Variants in PRDX4 observed in about 807,000 individuals in gnomAD.
PRDX4 encodes peroxiredoxin 4.
Under a neutral mutation model 20.5 loss-of-function variants are expected in PRDX4, and 12 were observed. The ratio of observed to expected loss-of-function variants is 0.58; its 90% CI spans 0.37 to 0.95. PRDX4 has a LOEUF of 0.95. Among genes scored for constraint, PRDX4 ranks in the 40% least tolerant of loss-of-function variants. The pLI, the probability that PRDX4 is intolerant of heterozygous loss-of-function variation, is 0.01. For synonymous variants in PRDX4, 99 were observed against 87.5 expected (o/e 1.13, Z -0.73); for missense variants, 180 against 207.3 (o/e 0.87, Z 0.81).
intron 4 of PRDX4, among the ~76,000 whole-genome samples, chrX:23,681,045 C>T (rs911109464): frequency 2.7e-5 from 3 of 111,241 alleles, no homozygotes; most frequent in Non-Finnish European, 5.7e-5. Flanking sequence ...CTGGCTAACA[C>T]GGTGAAACCC....
At chrX:23,681,492 C>T (rs1315691378) in intron 4 of PRDX4, among the ~76,000 whole-genome samples, 4 of 111,933 alleles carry the variant, frequency 3.6e-5, no homozygotes, top group African/African-American at 1.3e-4. Flanking sequence ...GCCTCTTTCA[C>T]GCAGCATAAT....
At chrX:23,684,047 CAA>C (rs3063544) in intron 6 of PRDX4, among the ~76,000 whole-genome samples, 7 of 58,206 alleles carry the variant, frequency 1.2e-4, no homozygotes, top group Admixed American at 5.0e-4. Context: ...GACTCCTTCT[CAA>C]AAAAAAAAAA....
rs1408838874 is a variant in PRDX4, at chrX:23,679,182, G to C, written c.494G>C (p.Arg165Thr). The C allele has an allele frequency of 8.3e-7, 1 of 1,206,772 alleles. No homozygotes were observed. The highest frequency in any genetic ancestry group is 1.1e-6 in the Non-Finnish European group (1 of 893,269). Residue 165 changes from arginine to threonine, a missense_variant, in exon 4 of 7, where the codon AGA (arginine) becomes ACA (threonine). Arg to Thr is a moderately conservative substitution (Grantham distance 71). Coordinates refer to ENST00000379341, the MANE Select transcript of PRDX4 (RefSeq NM_006406.2). ...TGTTACAGGATTAATACCCCTCGAA[G>C]ACAAGGAGGACTTGGGCCAATAAGG... ...THLAWINTPRRQGGLGPIRIP... is the reference protein window; with the variant it reads ...THLAWINTPRTQGGLGPIRIP...
At chrX:23,682,372 C>T (rs189207542) in intron 4 of PRDX4, 24 bp from the exon 5 acceptor site, 45 of 1,096,948 alleles carry the variant, frequency 4.1e-5, no homozygotes, top group Non-Finnish European at 5.2e-5. Flanking sequence ...ATGACCTCAT[C>T]TCTACCATTC....
intron 6 of PRDX4, 62 bp downstream of exon 6, chrX:23,683,767 G>A (rs964936022): frequency 1.7e-5 from 17 of 1,023,823 alleles, no homozygotes; most frequent in Admixed American, 2.6e-5. Context: ...AATGCTGGCC[G>A]GGCGCAGTGG....
At chrX:23,671,494 A>G in intron 1 of PRDX4, 35 bp from the exon 2 acceptor site, 1 of 1,053,642 alleles carries the variant, frequency 9.5e-7, no homozygotes. Flanking sequence ...CAACTTTCTC[A>G]GTGTTACAGA....
chrX:23,674,967 ATT>A lies in PRDX4; in HGVS notation c.360-11_360-10del, dbSNP rs753417196. ...TATGCTTATTTGGAGAATACTGAAT[ATT>A]TTTTTTTTTTTACCTTTCAGCACAT... On this transcript the variant is annotated intron_variant, in intron 2 of 6. Coordinates refer to ENST00000379341, the MANE Select transcript of PRDX4 (RefSeq NM_006406.2). 7.0e-4 allele frequency: 740 copies of A among 1,061,814 alleles called. No individual in the cohort carries two copies. Among genetic ancestry groups the A allele is most frequent in the Admixed American group, 3.2e-3 (123 of 38,922 alleles). 87.5% of individuals were successfully genotyped at this position (1,061,814 alleles called of 1,213,427 possible).
intron 5 of PRDX4, among the ~76,000 whole-genome samples, chrX:23,683,260 A>G (rs1477910808): frequency 4.5e-5 from 5 of 111,255 alleles, no homozygotes; most frequent in African/African-American, 1.6e-4. Context: ...TCTTTTGACA[A>G]ACAGTGAATC....
rs1927753020 is a variant in PRDX4, at chrX:23,667,553, T to G, written c.-18T>G. 21 of 1,170,964 alleles carry G rather than the reference T, an allele frequency of 1.8e-5. No homozygotes were observed. Among genetic ancestry groups the G allele is most frequent in the Non-Finnish European group, 2.4e-5 (21 of 875,768 alleles). On this transcript the variant is annotated 5_prime_UTR_variant, in exon 1 of 7. Transcript: ENST00000379341. ...GCGGCGCTCGCGCCAAGGGACGTGT[T>G]TCTGCGCTCGCGTGGTCATGGAGGC...
intron 1 of PRDX4, among the ~76,000 whole-genome samples, chrX:23,668,479 T>C (rs1277983226): frequency 8.9e-6 from 1 of 112,326 alleles, no homozygotes; most frequent in Non-Finnish European, 1.9e-5. Flanking sequence ...TCCTGCCAAT[T>C]TGGTTTTTGA....
Position 23,667,545 on chromosome X carries a change from G to A in PRDX4, c.-26G>A. 8.6e-7 allele frequency: 1 copy of A among 1,167,872 alleles called. No individual in the cohort carries two copies. The highest frequency in any genetic ancestry group is 1.1e-6 in the Non-Finnish European group (1 of 874,377). On this transcript the variant is annotated 5_prime_UTR_variant, in exon 1 of 7. Transcript: ENST00000379341. ...CGGCAGAAGCGGCGCTCGCGCCAAG[G>A]GACGTGTTTCTGCGCTCGCGTGGTC... is the stretch of plus-strand genomic sequence containing the variant.
intron 6 of PRDX4, among the ~76,000 whole-genome samples, chrX:23,685,097 T>G (rs1001779997): frequency 1.2e-4 from 13 of 112,458 alleles, no homozygotes; most frequent in African/African-American, 4.2e-4. Context: ...CTCAGAGATT[T>G]GTGGCCCCCA....
In PRDX4 at chrX:23,667,550, T is replaced by G; in HGVS notation, c.-21T>G. The stretch of plus-strand genomic sequence containing the variant: ...GAAGCGGCGCTCGCGCCAAGGGACG[T>G]GTTTCTGCGCTCGCGTGGTCATGGA... On this transcript the variant is annotated 5_prime_UTR_variant, in exon 1 of 7. Transcript: ENST00000379341. 8.5e-7 allele frequency: 1 copy of G among 1,169,614 alleles called. No individual in the cohort carries two copies.
chrX:23,684,499 A>G (rs774376453), intron 6 of PRDX4, among the ~76,000 whole-genome samples: 1 of 110,898 alleles, frequency 9.0e-6, no homozygotes, highest in East Asian at 2.8e-4. Flanking sequence ...AGGAGGCTGT[A>G]TAATTTTTTT....
At chrX:23,673,877 A>G (rs755285025) in intron 2 of PRDX4, among the ~76,000 whole-genome samples, 3 of 110,591 alleles carry the variant, frequency 2.7e-5, no homozygotes, top group Non-Finnish European at 5.7e-5. Context: ...CTACTTGGAC[A>G]TGACAGTGCT....
intron 1 of PRDX4, chrX:23,671,249 T>C (rs1429559387): frequency 4.5e-6 from 1 of 220,562 alleles, no homozygotes; most frequent in Non-Finnish European, 7.9e-6. Context: ...TACAACTAGA[T>C]CTTGCAGTTT....
intron 1 of PRDX4, among the ~76,000 whole-genome samples, chrX:23,669,477 T>G (rs1927801199): frequency 8.9e-6 from 1 of 112,103 alleles, no homozygotes; most frequent in African/African-American, 3.2e-5. Flanking sequence ...ACAAAGACTT[T>G]TGTTAGTAAA....
chrX:23,679,174 C>G lies in PRDX4; in HGVS notation c.486C>G (p.Thr162=). The change falls in exon 4 of 7, where the codon ACC becomes ACG. Residue 162 remains threonine (T), a synonymous_variant. Transcript: ENST00000379341. ...SQFTHLAWIN[T]PRRQGGLGPI... is the part of the protein sequence containing the mutation. ...GTTCTGTTTGTTACAGGATTAATACCCCTCGAAGACAAGGAGGACTTGGGC... is the reference window on the plus strand; with the variant it reads ...GTTCTGTTTGTTACAGGATTAATACGCCTCGAAGACAAGGAGGACTTGGGC... 8.3e-7 allele frequency: 1 copy of G among 1,207,459 alleles called. No individual in the cohort carries two copies. The highest frequency in any genetic ancestry group is 1.1e-6 in the Non-Finnish European group (1 of 893,269).
Position 23,669,141 on chromosome X carries a change from G to T in PRDX4, c.241+1330G>T, listed in dbSNP as rs374759154. ...GGGTTTCACTATATTGGCCAGGCTG[G>T]TCTGGAACTCCTGACCTCATGATCC... On this transcript the variant is annotated intron_variant, in intron 1 of 6. Coordinates refer to ENST00000379341, the MANE Select transcript of PRDX4 (RefSeq NM_006406.2). 4.5e-5 allele frequency among the ~76,000 whole-genome samples: 5 copies of T among 111,423 alleles called. No homozygotes were observed. The East Asian group carries it at 1.4e-3, about 31-fold the overall frequency.
Sources: gnomAD v4.1 joint callset for allele counts (sites outside exome capture counted in the v4.1 genomes callset) on GRCh38, gnomAD v4.1.1 for gene constraint, MANE v1.5 for transcripts, NCBI Gene and HGNC (gene_info 2026-07-23, HGNC 2026-07-21) for gene names.